Variants in CSMD2 observed in about 807,000 individuals in gnomAD.
The protein encoded by CSMD2 is CUB and Sushi multiple domains 2, also known as CUB and sushi domain-containing protein 2.
In CSMD2, 130 loss-of-function variants were observed where a neutral mutation model predicts 398.5. The ratio of observed to expected loss-of-function variants is 0.33; its 90% CI spans 0.28 to 0.38. CSMD2 has a LOEUF of 0.38. Among genes scored for constraint, CSMD2 ranks in the 10% least tolerant of loss-of-function variants. CSMD2 has a pLI of 1.00. For synonymous variants in CSMD2, 1,828 were observed against 1,908.5 expected (o/e 0.96, Z 1.10); for missense variants, 3,829 against 4,764.9 (o/e 0.80, Z 5.78).
chr1:33,831,548 T>G (rs1659562416), intron 6 of CSMD2, among the ~76,000 whole-genome samples: 1 of 151,856 alleles, frequency 6.6e-6, no homozygotes, highest in Admixed American at 6.6e-5. Context: ...TACCAGCTGC[T>G]GCAAAATCAT....
intron 5 of CSMD2, among the ~76,000 whole-genome samples, chr1:33,865,087 A>G (rs1410509856): frequency 6.6e-6 from 1 of 151,244 alleles, no homozygotes; most frequent in Non-Finnish European, 1.5e-5. Flanking sequence ...GGTGTAAAGT[A>G]GCAGCAGTCA....
intron 55 of CSMD2, 33 bp downstream of exon 55, chr1:33,557,701 A>G (rs762495968): frequency 6.6e-7 from 1 of 1,526,240 alleles, no homozygotes; most frequent in South Asian, 1.2e-5. Context: ...GGGCCACCCC[A>G]TCAGTCATTT....
chr1:33,693,104 C>A, intron 24 of CSMD2, 48 bp from the exon 25 acceptor site: 1 of 1,538,560 alleles, frequency 6.5e-7, no homozygotes, highest in African/African-American at 1.4e-5. Flanking sequence ...GCCTGAGCTG[C>A]CAGCAGTCAC....
intron 2 of CSMD2, among the ~76,000 whole-genome samples, chr1:34,056,095 G>C (rs1008335200): frequency 6.6e-6 from 1 of 152,136 alleles, no homozygotes; most frequent in African/African-American, 2.4e-5. Flanking sequence ...GAATATCACC[G>C]TGGTACACTC....
At chr1:33,531,587 T>C (rs893910100) in intron 64 of CSMD2, among the ~76,000 whole-genome samples, 1 of 152,212 alleles carries the variant, frequency 6.6e-6, no homozygotes, top group Non-Finnish European at 1.5e-5. Context: ...AACAGGTGAA[T>C]GGATAAACAA....
intron 24 of CSMD2, among the ~76,000 whole-genome samples, 168 bp from the exon 25 acceptor site, chr1:33,693,224 A>G (rs1478698525): frequency 1.3e-5 from 2 of 152,246 alleles, no homozygotes; most frequent in African/African-American, 4.8e-5. Flanking sequence ...TATATCCAGA[A>G]CCTATAAAGA....
Position 33,624,980 on chromosome 1 carries a change from C to A in CSMD2, c.5500+71G>T, listed in dbSNP as rs1642013721. The A allele has an allele frequency of 4.7e-6, 7 of 1,477,434 alleles. No individual in the cohort carries two copies. Among genetic ancestry groups the A allele is most frequent in the Middle Eastern group, 2.0e-4 (1 of 4,918 alleles). The allele number at this position is 1,477,434 out of a possible 1,614,324, so 91.5% of individuals were successfully genotyped here. On this transcript the variant is annotated intron_variant, in intron 34 of 70. Coordinates refer to ENST00000373381, the MANE Select transcript of CSMD2 (RefSeq NM_001281956.2). The surrounding 1 kb of genome is among the most constrained non-coding windows in gnomAD (Gnocchi z 4.7). ...TGTCGTGGGGCATCACTGGGGCTGA[C>A]TGCCTCCCCTACAGAGAAAGGACTA...
chr1:33,769,277 T>C (rs188559915), intron 13 of CSMD2, among the ~76,000 whole-genome samples: 138 of 152,360 alleles, frequency 9.1e-4, no homozygotes, highest in Middle Eastern at 6.8e-3. Flanking sequence ...TTTCCCACCA[T>C]GACAGCCAGG....
At chr1:33,772,335 T>G in intron 13 of CSMD2, 1 of 467,176 alleles carries the variant, frequency 2.1e-6, no homozygotes. Context: ...GGTAAGACGG[T>G]GTTGAAGAGC....
Position 33,626,728 on chromosome 1 carries a change from G to A in CSMD2, c.5201-147C>T, listed in dbSNP as rs545610326. ...AGGCCTTCCTGAAATAAAATCTCAC[G>A]TATTTTTACTGCACTTTACAATTTA... On this transcript the variant is annotated intron_variant, in intron 32 of 70. Transcript: ENST00000373381. The A allele has an allele frequency of 6.3e-5, 37 of 588,656 alleles. No homozygotes were observed. In the East Asian group the frequency reaches 8.3e-4, roughly 13 times the overall value. The allele number at this position is 588,656 out of a possible 1,614,324, so 36.5% of individuals were successfully genotyped here. A position where few individuals can be genotyped will look rare whatever the true frequency, so the allele number is the denominator to read the frequency against.
intron 41 of CSMD2, among the ~76,000 whole-genome samples, chr1:33,610,007 T>G (rs1429767666): frequency 6.6e-6 from 1 of 152,190 alleles, no homozygotes; most frequent in Non-Finnish European, 1.5e-5. Flanking sequence ...CTTTTGCCCC[T>G]TCCACCATGT....
Position 33,567,708 on chromosome 1 carries a change from G to A in CSMD2, c.8265C>T (p.Tyr2755=). 1 of 1,614,170 alleles carries A rather than the reference G, an allele frequency of 6.2e-7. No individual in the cohort carries two copies. The highest frequency in any genetic ancestry group is 1.1e-5 in the South Asian group (1 of 91,088). ...GGTACACCACACTGCCCCGGTAGCT[G>A]TAGTTCTCCCCATTGATGTGTCCGT... ...IVNGHINGEN[Y]SYRGSVVYQC... Residue 2755 remains tyrosine, a synonymous_variant, in exon 53 of 71, where the codon TAC becomes TAT. Coordinates refer to ENST00000373381, the MANE Select transcript of CSMD2 (RefSeq NM_001281956.2).
At chr1:33,725,632 C>G in intron 16 of CSMD2, 96 bp from the exon 17 acceptor site, 1 of 1,160,048 alleles carries the variant, frequency 8.6e-7, no homozygotes, top group Non-Finnish European at 1.3e-6. Context: ...TTCCGAATAA[C>G]CAGATTTTGG....
At chr1:34,049,473 T>A (rs1478393715) in intron 2 of CSMD2, among the ~76,000 whole-genome samples, 2 of 152,214 alleles carry the variant, frequency 1.3e-5, no homozygotes, top group Non-Finnish European at 2.9e-5. Flanking sequence ...TCTGCTTTTC[T>A]GCCTGGACCC....
At chr1:33,970,311 T>C (rs1372548459) in intron 3 of CSMD2, among the ~76,000 whole-genome samples, 1 of 152,080 alleles carries the variant, frequency 6.6e-6, no homozygotes, top group East Asian at 1.9e-4. Flanking sequence ...CCCCATGTGG[T>C]GATGGTGCCC....
intron 46 of CSMD2, among the ~76,000 whole-genome samples, chr1:33,584,920 G>T (rs141407515): frequency 6.6e-6 from 1 of 152,156 alleles, no homozygotes; most frequent in Non-Finnish European, 1.5e-5. Flanking sequence ...TCGTTATTTC[G>T]TCATCACCAT....
chr1:33,647,272 G>A (rs1476603178), intron 28 of CSMD2, among the ~76,000 whole-genome samples: 1 of 152,078 alleles, frequency 6.6e-6, no homozygotes, highest in Non-Finnish European at 1.5e-5. Flanking sequence ...TTCTCAGGGA[G>A]GAAGGGACCT....
chr1:33,946,886 T>C (rs1233930962), intron 3 of CSMD2, among the ~76,000 whole-genome samples: 1 of 152,042 alleles, frequency 6.6e-6, no homozygotes, highest in African/African-American at 2.4e-5. Context: ...CCACCTGCCT[T>C]AGCCTCCCAA....
intron 25 of CSMD2, among the ~76,000 whole-genome samples, 182 bp from the exon 26 acceptor site, chr1:33,663,274 C>T (rs1232920421): frequency 2.0e-5 from 3 of 152,140 alleles, no homozygotes; most frequent in African/African-American, 7.2e-5. Flanking sequence ...CAGGCCAGCT[C>T]CTCCCACTGG....
Sources: gnomAD v4.1 joint callset for allele counts (sites outside exome capture counted in the v4.1 genomes callset) on GRCh38, gnomAD v4.1.1 for gene constraint, Gnocchi (gnomAD v3.1) non-coding constraint, MANE v1.5 for transcripts, NCBI Gene and HGNC (gene_info 2026-07-23, HGNC 2026-07-21) for gene names.